Variants in ETV1 observed in about 807,000 individuals in gnomAD.
ETV1 encodes ETS translocation variant 1.
Under a neutral mutation model 62.3 loss-of-function variants are expected in ETV1, and 27 were observed. That is an observed-to-expected ratio of 0.43 (90% CI 0.32 to 0.60). The LOEUF (loss-of-function observed/expected upper bound fraction) is 0.60. Ranked by LOEUF, ETV1 falls within the 20% of genes least tolerant of loss-of-function variation. The pLI, the probability that ETV1 is intolerant of heterozygous loss-of-function variation, is 0.06. For missense variants in ETV1, 605 were observed against 605.8 expected (o/e 1.00, Z 0.01); for synonymous variants, 222 against 199.6 (o/e 1.11, Z -0.94).
At chr7:13,942,626 T>C (rs954503524) in intron 6 of ETV1, among the ~76,000 whole-genome samples, 12 of 152,158 alleles carry the variant, frequency 7.9e-5, no homozygotes, top group African/African-American at 2.9e-4. Flanking sequence ...ATCATCTAGC[T>C]CCTACTTATA....
intron 9 of ETV1, among the ~76,000 whole-genome samples, chr7:13,923,303 C>T (rs1396241277): frequency 6.6e-6 from 1 of 152,192 alleles, no homozygotes; most frequent in Non-Finnish European, 1.5e-5. Context: ...CTACTACAGG[C>T]AGCATTAGGA....
chr7:13,974,848 AAG>A (rs1278408641), intron 6 of ETV1: 12 of 152,400 alleles, frequency 7.9e-5, no homozygotes, highest in Middle Eastern at 3.4e-3. Context: ...TGTTGCGTTA[AAG>A]ATTGGAGTTG....
chr7:13,935,148 T>C (rs1786655782), intron 8 of ETV1, among the ~76,000 whole-genome samples: 1 of 152,222 alleles, frequency 6.6e-6, no homozygotes, highest in African/African-American at 2.4e-5. Flanking sequence ...TTCTAAGTAA[T>C]ACTAATTGAG....
intron 13 of ETV1, among the ~76,000 whole-genome samples, chr7:13,898,763 A>G (rs921874030): frequency 6.6e-6 from 1 of 152,142 alleles, no homozygotes; most frequent in Non-Finnish European, 1.5e-5. Flanking sequence ...AGTTTTTGCT[A>G]TTTAAAAAAG....
intron 12 of ETV1, among the ~76,000 whole-genome samples, chr7:13,904,968 G>A (rs1782808607): frequency 6.8e-6 from 1 of 148,110 alleles, no homozygotes; most frequent in East Asian, 2.0e-4. Context: ...TAGATAATGA[G>A]AATTTTCAAA....
chr7:13,979,382 A>G (rs1781759862), intron 5 of ETV1, among the ~76,000 whole-genome samples: 1 of 152,106 alleles, frequency 6.6e-6, no homozygotes, highest in Non-Finnish European at 1.5e-5. Flanking sequence ...GAAGTCTACT[A>G]GAGAGGCAAC....
intron 9 of ETV1, among the ~76,000 whole-genome samples, chr7:13,928,632 T>G (rs1785719016): frequency 6.8e-6 from 1 of 148,048 alleles, no homozygotes; most frequent in African/African-American, 2.5e-5. Context: ...GAGAAGAGTT[T>G]CAGTGTGGCT....
chr7:13,923,489 T>A (rs1463612818), intron 9 of ETV1, among the ~76,000 whole-genome samples: 1 of 152,212 alleles, frequency 6.6e-6, no homozygotes, highest in Admixed American at 6.5e-5. Context: ...GCAGATAGAT[T>A]TGTCAGCTCT....
intron 5 of ETV1, chr7:13,986,020 C>A: frequency 3.0e-6 from 3 of 1,006,832 alleles, no homozygotes; most frequent in Non-Finnish European, 3.0e-6. Flanking sequence ...TTTCAGCAAA[C>A]ATAACATGAA....
At position 13,911,229 on chromosome 7, in the gene ETV1, G is replaced by A. The variant is rs753908476; in HGVS notation, c.871+10C>T. The stretch of plus-strand genomic sequence containing the variant: ...GTATTTACACGGAATTTCAGTGGTG[G>A]ACAACTTAACTTCTGTTCTGCTGGG... On this transcript the variant is annotated intron_variant, in intron 10 of 13. Coordinates refer to ENST00000430479, the MANE Select transcript of ETV1 (RefSeq NM_004956.5). 58 of 1,604,234 alleles carry A rather than the reference G, an allele frequency of 3.6e-5. No homozygotes were observed. The highest frequency in any genetic ancestry group is 4.9e-5 in the Non-Finnish European group (57 of 1,171,434).
chr7:13,924,771 A>C (rs1414543674), intron 9 of ETV1, among the ~76,000 whole-genome samples: 1 of 152,218 alleles, frequency 6.6e-6, no homozygotes, highest in East Asian at 1.9e-4. Flanking sequence ...AAATTACTTC[A>C]TTTGGATGAA....
chr7:13,931,642 G>C lies in ETV1; in HGVS notation c.662C>G (p.Pro221Arg). ...CTGCTTAAAGCCTTGTGGTGGGAAG[G>C]GGATGTTTGGCTCAGACATCTGGCG... ...YQRQMSEPNI[P>R]FPPQGFKQEY... The change falls in exon 9 of 14, where the codon CCC (proline) becomes CGC (arginine). Residue 221 changes from proline (P) to arginine (R), a missense_variant. Physicochemically the swap from Pro to Arg is moderately radical, Grantham distance 103. Coordinates refer to ENST00000430479, the MANE Select transcript of ETV1 (RefSeq NM_004956.5). 3.1e-6 allele frequency: 5 copies of C among 1,614,040 alleles called. No homozygotes were observed. Among genetic ancestry groups the C allele is most frequent in the Non-Finnish European group, 4.2e-6 (5 of 1,179,900 alleles).
intron 5 of ETV1, among the ~76,000 whole-genome samples, chr7:13,980,037 GAGTA>G: frequency 6.6e-6 from 1 of 152,132 alleles, no homozygotes; most frequent in Non-Finnish European, 1.5e-5. Flanking sequence ...AATCTGTAAA[GAGTA>G]AGAATAAGAA....
chr7:13,896,512 A>AT lies in ETV1; in HGVS notation c.1213-426dup, dbSNP rs564598234. 9.8e-4 allele frequency among the ~76,000 whole-genome samples: 149 copies of AT among 152,244 alleles called. 1 individual carries two copies. The highest frequency in any genetic ancestry group is 6.3e-4 in the Non-Finnish European group (43 of 68,012). On this transcript the variant is annotated intron_variant, in intron 13 of 13. Coordinates refer to ENST00000430479, the MANE Select transcript of ETV1 (RefSeq NM_004956.5). ...GGTACACTGTCCCTCTTAATATTACATATCTGAAATGGTAGAAAAACTAAA... is the reference window on the plus strand; with the variant it reads ...GGTACACTGTCCCTCTTAATATTACATTATCTGAAATGGTAGAAAAACTAAA...
intron 6 of ETV1, among the ~76,000 whole-genome samples, chr7:13,943,218 C>T (rs748383020): frequency 5.3e-5 from 8 of 152,104 alleles, no homozygotes; most frequent in Admixed American, 1.3e-4. Context: ...CAAAACAAAT[C>T]GGAACGACAA....
At chr7:13,903,454 G>A (rs1233338711) in intron 12 of ETV1, among the ~76,000 whole-genome samples, 3 of 151,824 alleles carry the variant, frequency 2.0e-5, no homozygotes, top group African/African-American at 4.8e-5. Context: ...TCTTACAGAC[G>A]ACTTTCTATG....
intron 9 of ETV1, among the ~76,000 whole-genome samples, chr7:13,926,702 A>G (rs1202160995): frequency 6.6e-6 from 1 of 152,202 alleles, no homozygotes; most frequent in Non-Finnish European, 1.5e-5. Flanking sequence ...AGGCTAGAGA[A>G]GAGAAGGAAA....
chr7:13,972,206 G>A (rs997374716), intron 6 of ETV1, among the ~76,000 whole-genome samples: 3 of 152,108 alleles, frequency 2.0e-5, no homozygotes, highest in Admixed American at 1.3e-4. Context: ...TCAGGAGGCC[G>A]ACTTGAGCAG....
intron 5 of ETV1, 52 bp downstream of exon 5, chr7:13,986,586 C>G (rs1257984448): frequency 1.2e-6 from 2 of 1,606,066 alleles, no homozygotes; most frequent in Non-Finnish European, 1.7e-6. Flanking sequence ...GACTTCTTTT[C>G]TTTCTCCTTC....
Sources: allele counts gnomAD v4.1 joint callset (sites outside exome capture counted in the v4.1 genomes callset), GRCh38; gene constraint gnomAD v4.1.1; transcripts MANE v1.5; gene names NCBI Gene and HGNC (gene_info 2026-07-23, HGNC 2026-07-21).